KCNQ3: variants seen among roughly 807,000 people sequenced by gnomAD.
KCNQ3 encodes potassium voltage-gated channel subfamily Q member 3.
A neutral mutation model predicts 92.5 loss-of-function variants in KCNQ3; 30 were observed. The observed-to-expected ratio is 0.32, with a 90% confidence interval of 0.24 to 0.44. The LOEUF (loss-of-function observed/expected upper bound fraction) is 0.44, where lower values mean the gene tolerates loss of function less well. KCNQ3 is among the 20% of genes least tolerant of loss of function. KCNQ3 has a pLI of 1.00. For missense variants in KCNQ3, 913 were observed against 1,140.3 expected, an observed-to-expected ratio of 0.80 and a Z score of 2.87; for synonymous variants, 450 against 468.8, an observed-to-expected ratio of 0.96 and a Z score of 0.52.
At chr8:132,150,616 C>G (rs186980984) in intron 9 of KCNQ3, among the ~76,000 whole-genome samples, 72 of 152,130 alleles carry the variant, frequency 4.7e-4, no homozygotes, top group Admixed American at 3.0e-3. Flanking sequence ...CCTTGTTTTG[C>G]TGGGAAAAGG....
At chr8:132,277,626 T>A (rs935664247) in intron 1 of KCNQ3, among the ~76,000 whole-genome samples, 6 of 152,194 alleles carry the variant, frequency 3.9e-5, no homozygotes, top group Non-Finnish European at 7.3e-5. Context: ...AAAAGATATT[T>A]TTTTGTCAAC....
intron 1 of KCNQ3, among the ~76,000 whole-genome samples, chr8:132,366,979 G>C (rs547746517): frequency 2.0e-4 from 30 of 152,244 alleles, no homozygotes; most frequent in African/African-American, 7.0e-4. Context: ...AACTTTGGAA[G>C]TTTTTCTTAT....
chr8:132,380,188 G>A (rs2130752992), intron 1 of KCNQ3, among the ~76,000 whole-genome samples: 1 of 152,208 alleles, frequency 6.6e-6, no homozygotes, highest in Non-Finnish European at 1.5e-5. Context: ...GAGAATTGAA[G>A]GGTACAGAAG....
intron 1 of KCNQ3, among the ~76,000 whole-genome samples, chr8:132,250,464 C>A (rs1291149653): frequency 6.6e-6 from 1 of 152,048 alleles, no homozygotes; most frequent in Non-Finnish European, 1.5e-5. Flanking sequence ...AATAGTGTGT[C>A]GTTATTATTT....
Position 132,129,475 on chromosome 8 carries a change from C to A in KCNQ3, c.2406G>T (p.Arg802Ser), listed in dbSNP as rs776705215. 16 of 1,614,194 alleles carry A rather than the reference C, an allele frequency of 9.9e-6. No individual in the cohort carries two copies. In the South Asian group the frequency reaches 1.8e-4, roughly 18 times the overall value. ...GGGAGATGCTGAAGCCACTTGGAGA[C>A]CTCTCCAGCTCCTCGTGGTTGACCG... ...LMSVNHEELE[R>S]SPSGFSISQD... Residue 802 changes from arginine (R) to serine (S), a missense_variant, in exon 15 of 15, where the codon AGG (arginine) becomes AGT (serine). By Grantham distance (110) the Arg-to-Ser change is moderately radical. Transcript: ENST00000388996. The surrounding 1 kb of genome is among the most constrained non-coding windows in gnomAD (Gnocchi z 5.9).
At chr8:132,153,316 C>G (rs145687951) in intron 9 of KCNQ3, among the ~76,000 whole-genome samples, 41 of 152,282 alleles carry the variant, frequency 2.7e-4, no homozygotes, top group African/African-American at 9.9e-4. Context: ...CACATGCATC[C>G]AAAGAGATCC....
chr8:132,354,461 T>C (rs1818960902), intron 1 of KCNQ3, among the ~76,000 whole-genome samples: 1 of 152,188 alleles, frequency 6.6e-6, no homozygotes, highest in Admixed American at 6.5e-5. Flanking sequence ...ATTAGTTATA[T>C]TATCTGAGTG....
chr8:132,233,084 C>T (rs1393112147), intron 1 of KCNQ3, among the ~76,000 whole-genome samples: 2 of 152,150 alleles, frequency 1.3e-5, no homozygotes, highest in African/African-American at 4.8e-5. Context: ...TTCCTTTAGC[C>T]AATCTTATTG....
intron 1 of KCNQ3, among the ~76,000 whole-genome samples, chr8:132,328,570 T>C (rs891945482): frequency 3.9e-5 from 6 of 152,188 alleles, no homozygotes; most frequent in Non-Finnish European, 8.8e-5. Context: ...TTTCCTTATC[T>C]GTAGAACACA....
rs370219417 is a variant in KCNQ3 at position 132,172,584 on chromosome 8, C to G, written c.1140+14G>C. The G allele has an allele frequency of 6.2e-7, 1 of 1,609,626 alleles. No individual in the cohort carries two copies. The highest frequency in any genetic ancestry group is 1.3e-5 in the African/African-American group (1 of 74,836). ...ATCTTAATCCCATTCCAGTTCATTC[C>G]CAGGCAGACAGACCTGAATGAGCTC... is the stretch of plus-strand genomic sequence containing the variant. On this transcript the variant is annotated intron_variant, in intron 7 of 14. Transcript: ENST00000388996.
At chr8:132,137,028 A>ATTTTTTT (rs34860665) in intron 12 of KCNQ3, among the ~76,000 whole-genome samples, 1 of 141,130 alleles carries the variant, frequency 7.1e-6, no homozygotes. Flanking sequence ...CCATGCCTGG[A>ATTTTTTT]TTTTTTTTTT....
At chr8:132,310,454 A>G (rs546699741) in intron 1 of KCNQ3, among the ~76,000 whole-genome samples, 27 of 152,328 alleles carry the variant, frequency 1.8e-4, no homozygotes, top group African/African-American at 6.0e-4. Flanking sequence ...AAAGCGCCCC[A>G]CTGGGAGGAC....
chr8:132,424,414 C>G (rs1821053531), intron 1 of KCNQ3, among the ~76,000 whole-genome samples: 1 of 152,168 alleles, frequency 6.6e-6, no homozygotes, highest in Non-Finnish European at 1.5e-5. Flanking sequence ...TCCCATCCCC[C>G]CAACCCTCTC....
At position 132,349,426 on chromosome 8, in the gene KCNQ3, A is replaced by G. The variant is rs116448857; in HGVS notation, c.386+130721T>C. ...ACAGATGACGGGGGGAAGAACAGAA[A>G]GAGAAGAGAGAAAGAAGTCTGCTGT... On this transcript the variant is annotated intron_variant, in intron 1 of 14. Coordinates refer to ENST00000388996, the MANE Select transcript of KCNQ3 (RefSeq NM_004519.4). Among the ~76,000 whole-genome samples, 797 of 152,378 alleles carry G rather than the reference A, an allele frequency of 5.2e-3. 6 individuals are homozygous for G. Among genetic ancestry groups the G allele is most frequent in the African/African-American group, 0.018 (745 of 41,584 alleles).
chr8:132,454,561 C>T (rs573509514), intron 1 of KCNQ3, among the ~76,000 whole-genome samples: 1 of 152,108 alleles, frequency 6.6e-6, no homozygotes, highest in South Asian at 2.1e-4. Flanking sequence ...GAAATGGAGA[C>T]CCAGAGGAAT....
intron 9 of KCNQ3, among the ~76,000 whole-genome samples, chr8:132,153,367 C>A (rs1825695806): frequency 6.6e-6 from 1 of 152,154 alleles, no homozygotes; most frequent in African/African-American, 2.4e-5. Context: ...CCTTTTCTCT[C>A]CCTTGTTAGA....
chr8:132,323,600 C>T (rs551808703), intron 1 of KCNQ3, among the ~76,000 whole-genome samples: 4 of 152,286 alleles, frequency 2.6e-5, no homozygotes, highest in Middle Eastern at 3.4e-3. Flanking sequence ...GCTAAAACCA[C>T]GATTGGGCTT....
At position 132,214,975 on chromosome 8, in the gene KCNQ3, C is replaced by T. The variant is rs117667868; in HGVS notation, c.387-28794G>A. 2.1e-3 allele frequency among the ~76,000 whole-genome samples: 314 copies of T among 152,344 alleles called. 6 individuals are homozygous for T. The East Asian group carries it at 0.028, about 13-fold the overall frequency. On this transcript the variant is annotated intron_variant, in intron 1 of 14. Coordinates refer to ENST00000388996, the MANE Select transcript of KCNQ3 (RefSeq NM_004519.4). ...CTGACTTCTGCCCATCCACAGATGC[C>T]GGACTCCTTTCTGGGACATGTGATC...
chr8:132,362,178 A>T (rs549789293), intron 1 of KCNQ3, among the ~76,000 whole-genome samples: 1 of 152,302 alleles, frequency 6.6e-6, no homozygotes, highest in Non-Finnish European at 1.5e-5. Context: ...TTTATTTTAC[A>T]ATATTTCAAA....
Sources: gnomAD v4.1 joint callset for allele counts (sites outside exome capture counted in the v4.1 genomes callset) on GRCh38, gnomAD v4.1.1 for gene constraint, Gnocchi (gnomAD v3.1) non-coding constraint, MANE v1.5 for transcripts, NCBI Gene and HGNC (gene_info 2026-07-23, HGNC 2026-07-21) for gene names.